SGCZ: variants seen among roughly 807,000 people sequenced by gnomAD.
SGCZ encodes zeta-sarcoglycan.
Under a neutral mutation model 41.3 loss-of-function variants are expected in SGCZ, and 40 were observed. The ratio of observed to expected loss-of-function variants is 0.97; its 90% CI spans 0.75 to 1.26. The LOEUF (loss-of-function observed/expected upper bound fraction) is 1.26. Among genes scored for constraint, SGCZ ranks in the 50% most tolerant of loss-of-function variants. The pLI is 0.00. For synonymous variants in SGCZ, 206 were observed against 137.5 expected (o/e 1.50, Z -3.49); for missense variants, 552 against 369.8 (o/e 1.49, Z -4.04).
At position 14,499,665 on chromosome 8, in the gene SGCZ, T is replaced by TAAA. The variant is rs1563369464; in HGVS notation, c.234+55066_234+55067insTTT. Among the ~76,000 whole-genome samples, 4 of 152,190 alleles carry TAAA rather than the reference T, an allele frequency of 2.6e-5. No homozygotes were observed. The East Asian group carries it at 7.7e-4, about 29-fold the overall frequency. On this transcript the variant is annotated intron_variant, in intron 2 of 7. Transcript: ENST00000382080. The stretch of plus-strand genomic sequence containing the variant: ...TTCTGCTAGTTTAAATTTTAAATAC[T>TAAA]TTATTTTTCTTTTTCCAGTGTTTGC...
chr8:15,095,723 C>T (rs545317198), intron 1 of SGCZ, among the ~76,000 whole-genome samples: 2 of 152,116 alleles, frequency 1.3e-5, no homozygotes, highest in Non-Finnish European at 2.9e-5. Flanking sequence ...AAGCAGTGTG[C>T]TAAAGTAACA....
chr8:15,192,165 T>A (rs903056026), intron 1 of SGCZ, among the ~76,000 whole-genome samples: 1 of 152,210 alleles, frequency 6.6e-6, no homozygotes, highest in East Asian at 1.9e-4. Context: ...TGCTATTTCT[T>A]TATTCATGTA....
chr8:14,296,929 CT>C (rs35199013), intron 3 of SGCZ, among the ~76,000 whole-genome samples: 15 of 151,242 alleles, frequency 9.9e-5, no homozygotes, highest in South Asian at 2.1e-4. Context: ...AATAATTTTT[CT>C]TTTTTTTTGA....
At chr8:14,229,564 C>CT (rs1158205700) in intron 4 of SGCZ, among the ~76,000 whole-genome samples, 1 of 151,898 alleles carries the variant, frequency 6.6e-6, no homozygotes, top group Non-Finnish European at 1.5e-5. Flanking sequence ...TTTTGTTAAT[C>CT]TATCCTTCAA....
At chr8:14,983,373 T>C (rs1405286037) in intron 1 of SGCZ, among the ~76,000 whole-genome samples, 1 of 151,748 alleles carries the variant, frequency 6.6e-6, no homozygotes, top group African/African-American at 2.4e-5. Flanking sequence ...AATGTATTTT[T>C]ATTTTTTTTT....
chr8:14,424,122 T>C (rs1799711110), intron 2 of SGCZ, among the ~76,000 whole-genome samples: 1 of 152,078 alleles, frequency 6.6e-6, no homozygotes, highest in South Asian at 2.1e-4. Context: ...GGGGGAAATT[T>C]TTAAAGTCAA....
chr8:14,986,810 G>A (rs1801839163), intron 1 of SGCZ, among the ~76,000 whole-genome samples: 1 of 151,830 alleles, frequency 6.6e-6, no homozygotes, highest in Non-Finnish European at 1.5e-5. Flanking sequence ...AATAATAAAA[G>A]TTTGTTATCT....
At chr8:14,845,135 A>C (rs1344531184) in intron 1 of SGCZ, among the ~76,000 whole-genome samples, 2 of 152,150 alleles carry the variant, frequency 1.3e-5, no homozygotes, top group African/African-American at 2.4e-5. Flanking sequence ...AGAACACCTA[A>C]ATGAATGAGA....
chr8:14,844,225 A>G, intron 1 of SGCZ, among the ~76,000 whole-genome samples: 1 of 152,116 alleles, frequency 6.6e-6, no homozygotes, highest in East Asian at 1.9e-4. Context: ...CACTGTAAGC[A>G]TATAAGTGCT....
intron 2 of SGCZ, among the ~76,000 whole-genome samples, chr8:14,496,762 T>C (rs1200869745): frequency 2.6e-5 from 4 of 152,282 alleles, no homozygotes; most frequent in Admixed American, 6.5e-5. Flanking sequence ...GTGTTTGATA[T>C]AGGTTCTTTA....
At chr8:14,658,651 G>A (rs187421796) in intron 1 of SGCZ, among the ~76,000 whole-genome samples, 143 of 152,198 alleles carry the variant, frequency 9.4e-4, no homozygotes, top group African/African-American at 3.3e-3. Context: ...CCTTTTGCCT[G>A]AAGTCTTTCC....
intron 1 of SGCZ, among the ~76,000 whole-genome samples, chr8:14,691,780 A>T (rs1341754684): frequency 6.6e-6 from 1 of 151,704 alleles, no homozygotes; most frequent in Non-Finnish European, 1.5e-5. Context: ...CCAATCAAAA[A>T]CTGCAATAAA....
At chr8:14,878,773 C>A (rs1052430532) in intron 1 of SGCZ, among the ~76,000 whole-genome samples, 1 of 152,114 alleles carries the variant, frequency 6.6e-6, no homozygotes, top group African/African-American at 2.4e-5. Context: ...AATCACTCCA[C>A]CTTAAGGAGA....
At chr8:15,224,918 T>G (rs975599403) in intron 1 of SGCZ, among the ~76,000 whole-genome samples, 1 of 152,210 alleles carries the variant, frequency 6.6e-6, no homozygotes, top group Admixed American at 6.5e-5. Context: ...TTTAAACTTA[T>G]ATGTATCTTA....
chr8:14,369,749 A>C (rs535156841), intron 2 of SGCZ, among the ~76,000 whole-genome samples: 1 of 151,916 alleles, frequency 6.6e-6, no homozygotes, highest in Non-Finnish European at 1.5e-5. Flanking sequence ...ACTTCTTGCT[A>C]TTCTACTATA....
chr8:14,640,340 T>C (rs1474961971), intron 1 of SGCZ, among the ~76,000 whole-genome samples: 1 of 151,754 alleles, frequency 6.6e-6, no homozygotes, highest in Non-Finnish European at 1.5e-5. Context: ...CAATCACTTT[T>C]AGCACTTTGA....
chr8:14,508,497 A>G (rs995798297), intron 2 of SGCZ, among the ~76,000 whole-genome samples: 11 of 152,086 alleles, frequency 7.2e-5, no homozygotes, highest in African/African-American at 2.7e-4. Flanking sequence ...TTTGCATGTT[A>G]ATCTTGTTTT....
chr8:14,584,393 G>C (rs1268616232), intron 1 of SGCZ, among the ~76,000 whole-genome samples: 2 of 151,938 alleles, frequency 1.3e-5, no homozygotes, highest in African/African-American at 4.8e-5. Flanking sequence ...GATCTTGGAG[G>C]GCTTACATTC....
At chr8:14,603,419 AG>A (rs1805654829) in intron 1 of SGCZ, among the ~76,000 whole-genome samples, 1 of 152,170 alleles carries the variant, frequency 6.6e-6, no homozygotes, top group African/African-American at 2.4e-5. Context: ...ATCTATATAA[AG>A]ATTTTCTATG....
Sources: allele counts gnomAD v4.1 joint callset (sites outside exome capture counted in the v4.1 genomes callset), GRCh38; gene constraint gnomAD v4.1.1; transcripts MANE v1.5; gene names NCBI Gene and HGNC (gene_info 2026-07-23, HGNC 2026-07-21).